FGF14: variants seen among roughly 807,000 people sequenced by gnomAD.
FGF14 encodes fibroblast growth factor 14, also known as fibroblast growth factor homologous factor 4.
In FGF14, 5 loss-of-function variants were observed where a neutral mutation model predicts 25.5. The observed-to-expected ratio is 0.20, with a 90% CI of 0.10 to 0.41. FGF14 has a LOEUF of 0.41. Ranked by LOEUF, FGF14 falls within the 10% of genes least tolerant of loss-of-function variation. The pLI is 1.00. For synonymous variants in FGF14, 138 were observed against 118.3 expected (o/e 1.17, Z -1.08); for missense variants, 222 against 320.1 (o/e 0.69, Z 2.34).
chr13:102,049,215 A>AAAGACAC (rs1235941182), intron 1 of FGF14, among the ~76,000 whole-genome samples: 3 of 152,210 alleles, frequency 2.0e-5, no homozygotes, highest in Admixed American at 2.0e-4. Context: ...TTTTTAAATA[A>AAAGACAC]AAGACACAAA....
At chr13:102,241,064 C>G (rs545181546) in intron 1 of FGF14, among the ~76,000 whole-genome samples, 2 of 152,040 alleles carry the variant, frequency 1.3e-5, no homozygotes, top group African/African-American at 4.8e-5. Context: ...TTGGCTTTAC[C>G]AGAAATCAGG....
chr13:102,052,263 T>A (rs771152364), intron 1 of FGF14, among the ~76,000 whole-genome samples: 1 of 151,952 alleles, frequency 6.6e-6, no homozygotes, highest in East Asian at 1.9e-4. Flanking sequence ...TAGGTCAACA[T>A]CAACAGAGCA....
chr13:102,022,820 C>T (rs2040729663), intron 1 of FGF14, among the ~76,000 whole-genome samples: 1 of 152,078 alleles, frequency 6.6e-6, no homozygotes, highest in Non-Finnish European at 1.5e-5. Flanking sequence ...CGTGTAAGTG[C>T]TTAATGTGTT....
At chr13:102,049,751 C>T (rs995892402) in intron 1 of FGF14, among the ~76,000 whole-genome samples, 10 of 152,000 alleles carry the variant, frequency 6.6e-5, no homozygotes, top group Non-Finnish European at 1.3e-4. Flanking sequence ...ACGCACCCCC[C>T]CACACACAAA....
Position 101,950,761 on chromosome 13 carries a change from T to C in FGF14, c.209-75465A>G, listed in dbSNP as rs571593556. Reference sequence around the variant, plus strand: ...AGAAAACCTAATCATGTTTTTTTTTTTTTTTTTTTGTCTTTAAGGAGTTTT... The same window carrying C: ...AGAAAACCTAATCATGTTTTTTTTTCTTTTTTTTTGTCTTTAAGGAGTTTT... On this transcript the variant is annotated intron_variant, in intron 1 of 4. Transcript: ENST00000376131. 1.4e-4 allele frequency among the ~76,000 whole-genome samples: 22 copies of C among 151,764 alleles called. No homozygotes were observed. In the South Asian group the frequency reaches 4.4e-3, roughly 30 times the overall value.
intron 3 of FGF14, among the ~76,000 whole-genome samples, chr13:101,771,190 C>T (rs947593853): frequency 6.6e-6 from 1 of 151,972 alleles, no homozygotes; most frequent in Non-Finnish European, 1.5e-5. Context: ...AAGATTCAAG[C>T]CCCTACAGTG....
At chr13:102,369,275 G>C (rs1177245579) in intron 1 of FGF14, among the ~76,000 whole-genome samples, 2 of 152,158 alleles carry the variant, frequency 1.3e-5, no homozygotes, top group African/African-American at 4.8e-5. Context: ...CTGCAGCACA[G>C]AAAAAGTGGA....
At chr13:102,033,109 T>C (rs1214757319) in intron 1 of FGF14, among the ~76,000 whole-genome samples, 3 of 152,090 alleles carry the variant, frequency 2.0e-5, no homozygotes, top group Non-Finnish European at 2.9e-5. Context: ...ACTTTAAAAG[T>C]TGGAATCCCT....
At chr13:102,154,633 A>T in intron 1 of FGF14, among the ~76,000 whole-genome samples, 1 of 152,286 alleles carries the variant, frequency 6.6e-6, no homozygotes, top group South Asian at 2.1e-4. Context: ...ACCAGCTAAC[A>T]TCATAATGAC....
Position 101,722,651 on chromosome 13 carries a change from T to G in FGF14, c.*180A>C. 1 of 752,366 alleles carries G rather than the reference T, an allele frequency of 1.3e-6. No homozygotes were observed. The highest frequency in any genetic ancestry group is 2.2e-6 in the Non-Finnish European group (1 of 453,084). The allele number at this position is 752,366 out of a possible 1,614,324, so 46.6% of individuals were successfully genotyped here. On this transcript the variant is annotated 3_prime_UTR_variant, in exon 5 of 5. Coordinates refer to ENST00000376143, the MANE Select transcript of FGF14 (RefSeq NM_004115.4). ...AGCTGGTTATCCAGGTGTCTTCTTG[T>G]TGTGGGGGGTGCAACAGGTTGAGAT...
intron 1 of FGF14, among the ~76,000 whole-genome samples, chr13:102,335,082 G>A (rs1401776363): frequency 6.6e-6 from 1 of 152,000 alleles, no homozygotes; most frequent in Non-Finnish European, 1.5e-5. Flanking sequence ...TTCCTTCAGG[G>A]CCCTCCCTGT....
chr13:102,011,760 A>ATC (rs1396642171), intron 1 of FGF14, among the ~76,000 whole-genome samples: 8 of 152,196 alleles, frequency 5.3e-5, no homozygotes, highest in African/African-American at 1.9e-4. Flanking sequence ...GTCTCCGGTC[A>ATC]TCAAGCTCTC....
intron 3 of FGF14, among the ~76,000 whole-genome samples, chr13:101,749,344 T>G (rs1410837223): frequency 6.6e-6 from 1 of 152,074 alleles, no homozygotes; most frequent in African/African-American, 2.4e-5. Flanking sequence ...AGGAATGAAC[T>G]ATTGATACAT....
intron 1 of FGF14, among the ~76,000 whole-genome samples, chr13:101,958,906 T>G (rs1260088736): frequency 2.6e-5 from 4 of 152,216 alleles, no homozygotes; most frequent in Admixed American, 2.0e-4. Context: ...ATTGCATTTC[T>G]ATCCTCAATG....
chr13:102,371,586 T>C (rs1366699845), intron 1 of FGF14, among the ~76,000 whole-genome samples: 1 of 152,162 alleles, frequency 6.6e-6, no homozygotes, highest in Non-Finnish European at 1.5e-5. Context: ...CAATATTGTA[T>C]CTGTTTCCAG....
At chr13:101,750,634 G>T (rs2139837074) in intron 3 of FGF14, among the ~76,000 whole-genome samples, 1 of 152,168 alleles carries the variant, frequency 6.6e-6, no homozygotes, top group African/African-American at 2.4e-5. Context: ...GGAGTGATGG[G>T]GCTAGTATGG....
intron 3 of FGF14, among the ~76,000 whole-genome samples, chr13:101,754,196 G>A (rs2037491797): frequency 6.6e-6 from 1 of 152,134 alleles, no homozygotes; most frequent in African/African-American, 2.4e-5. Flanking sequence ...GGGGCTCCTA[G>A]GGGCTGATCC....
intron 1 of FGF14, among the ~76,000 whole-genome samples, chr13:102,189,025 GAAAAGAAAGAAAGAAAGAGAAAGAAT>G (rs2049011576): frequency 7.3e-5 from 5 of 68,798 alleles, no homozygotes; most frequent in Non-Finnish European, 8.7e-5. Context: ...AATGAAAGAA[GAAAAGAAAGAAAGAAAGAGAAAGAAT>G]GAAAGAAGAA....
At chr13:101,963,752 A>G (rs879509368) in intron 1 of FGF14, among the ~76,000 whole-genome samples, 1 of 152,226 alleles carries the variant, frequency 6.6e-6, no homozygotes, top group Admixed American at 6.5e-5. Context: ...TTATTATCCA[A>G]CAAAGATTTA....
Sources: allele counts gnomAD v4.1 joint callset (sites outside exome capture counted in the v4.1 genomes callset), GRCh38; gene constraint gnomAD v4.1.1; transcripts MANE v1.5; gene names NCBI Gene and HGNC (gene_info 2026-07-23, HGNC 2026-07-21).